The following SLC26A5 variants were observed in gnomAD, a reference collection of about 807,000 sequenced individuals.
SLC26A5 encodes the protein solute carrier family 26 member 5.
A neutral mutation model predicts 81.0 loss-of-function variants in SLC26A5; 51 were observed. The ratio of observed to expected loss-of-function variants is 0.63; its 90% confidence interval spans 0.50 to 0.80. The LOEUF (loss-of-function observed/expected upper bound fraction) is 0.80. Among genes scored for constraint, SLC26A5 ranks in the 30% least tolerant of loss-of-function variants. The pLI, the probability that SLC26A5 is intolerant of heterozygous loss-of-function variation, is 0.00. For synonymous variants in SLC26A5, 325 were observed against 332.8 expected (o/e 0.98, Z 0.25); for missense variants, 771 against 905.8 (o/e 0.85, Z 1.91).
intron 2 of SLC26A5, among the ~76,000 whole-genome samples, chr7:103,430,534 G>A (rs1825999867): frequency 7.2e-6 from 1 of 139,504 alleles, no homozygotes. Flanking sequence ...TGGGACATCT[G>A]GTGAGTTACT....
intron 19 of SLC26A5, among the ~76,000 whole-genome samples, chr7:103,365,892 C>T (rs1820693463): frequency 1.3e-5 from 2 of 152,118 alleles, no homozygotes; most frequent in African/African-American, 4.8e-5. Flanking sequence ...CGCACCACTG[C>T]ACTCCAGCCT....
chr7:103,414,591 G>A lies in SLC26A5; in HGVS notation c.293-1479C>T, dbSNP rs145629483. ...TAAGGTTCCTTCATGTCTTTTCATG[G>A]CTTGATAGCTCATTCCTTTTTAATA... On this transcript the variant is annotated intron_variant, in intron 4 of 19. Coordinates refer to ENST00000306312, the MANE Select transcript of SLC26A5 (RefSeq NM_198999.3). Among the ~76,000 whole-genome samples, 808 of 152,166 alleles carry A rather than the reference G, an allele frequency of 5.3e-3. 25 individuals are homozygous for A. The highest frequency in any genetic ancestry group is 0.048 in the Admixed American group (738 of 15,280).
rs117297172 is a variant in SLC26A5 at position 103,360,738 on chromosome 7, C to T, written c.2042-7812G>A. The stretch of plus-strand genomic sequence containing the variant: ...ACTATAGAAGGGGAAAGGCGGTTGA[C>T]TATTTTATACTGTGATGTGCATGGC... On this transcript the variant is annotated intron_variant, in intron 19 of 19. Transcript: ENST00000339444. 8.9e-3 allele frequency among the ~76,000 whole-genome samples: 1,352 copies of T among 152,278 alleles called. 20 individuals carry two copies. Among genetic ancestry groups the T allele is most frequent in the Middle Eastern group, 0.024 (7 of 294 alleles).
At chr7:103,437,358 T>C (rs1258586492) in intron 2 of SLC26A5, among the ~76,000 whole-genome samples, 1 of 152,198 alleles carries the variant, frequency 6.6e-6, no homozygotes, top group Non-Finnish European at 1.5e-5. Flanking sequence ...ACAACCATTA[T>C]GGAAAATGCT....
chr7:103,395,093 G>T (rs550993757), intron 9 of SLC26A5, among the ~76,000 whole-genome samples: 1 of 152,274 alleles, frequency 6.6e-6, no homozygotes, highest in African/African-American at 2.4e-5. Context: ...AACCCCAAGT[G>T]AGACCTGCCA....
intron 4 of SLC26A5, among the ~76,000 whole-genome samples, chr7:103,417,113 T>C (rs756142686): frequency 1.1e-4 from 16 of 152,154 alleles, no homozygotes; most frequent in Non-Finnish European, 1.9e-4. Context: ...GGCTCACCCC[T>C]GTAATCCCAG....
intron 4 of SLC26A5, among the ~76,000 whole-genome samples, chr7:103,414,676 T>C (rs995053396): frequency 6.6e-6 from 1 of 152,244 alleles, no homozygotes; most frequent in African/African-American, 2.4e-5. Flanking sequence ...GAAGGCCATC[T>C]TGATTGCTTC....
intron 19 of SLC26A5, chr7:103,362,794 CTTT>C (rs368268286): frequency 0.014 from 11,625 of 818,636 alleles, no homozygotes; most frequent in East Asian, 0.018. Context: ...AAGGCTATGT[CTTT>C]TTTTTTTTTT....
At chr7:103,439,299 G>A (rs115922399) in intron 2 of SLC26A5, among the ~76,000 whole-genome samples, 3,619 of 152,162 alleles carry the variant, frequency 0.024, 142 homozygotes, top group African/African-American at 0.082. Flanking sequence ...TATCCAGGAG[G>A]TATAACAAGG....
At chr7:103,424,547 G>C (rs775931200) in intron 2 of SLC26A5, among the ~76,000 whole-genome samples, 4 of 152,052 alleles carry the variant, frequency 2.6e-5, no homozygotes, top group Non-Finnish European at 5.9e-5. Context: ...ATTTTTTGTA[G>C]ACATCATCTT....
chr7:103,388,866 A>G (rs1822415788), intron 14 of SLC26A5, 142 bp downstream of exon 14: 2 of 689,594 alleles, frequency 2.9e-6, no homozygotes, highest in South Asian at 3.0e-5. Flanking sequence ...AACAGGCTAC[A>G]TGAGTGTTAT....
chr7:103,364,673 G>A (rs973654885), intron 19 of SLC26A5, among the ~76,000 whole-genome samples: 8 of 152,120 alleles, frequency 5.3e-5, no homozygotes, highest in African/African-American at 1.7e-4. Context: ...CTCCCAGAGT[G>A]CTGGTAGTAT....
At chr7:103,401,099 AAGTC>A (rs1823552263) in intron 8 of SLC26A5, among the ~76,000 whole-genome samples, 1 of 152,228 alleles carries the variant, frequency 6.6e-6, no homozygotes, top group Non-Finnish European at 1.5e-5. Context: ...TCTGTGAAGA[AAGTC>A]AGTGGTAGCT....
Position 103,377,745 on chromosome 7 carries a change from C to T in SLC26A5, c.1840G>A (p.Val614Ile). The T allele has an allele frequency of 6.2e-7, 1 of 1,614,114 alleles. No homozygotes were observed. Among genetic ancestry groups the T allele is most frequent in the Non-Finnish European group, 8.5e-7 (1 of 1,180,008 alleles). The change falls in exon 18 of 20, where the codon GTA becomes ATA. Residue 614 changes from valine to isoleucine, a missense_variant. Val to Ile is a conservative substitution (Grantham distance 29). Coordinates refer to ENST00000306312, the MANE Select transcript of SLC26A5 (RefSeq NM_198999.3). ...ATKPEEEDGEVKYPPIVIKST... is the reference protein window; with the variant it reads ...ATKPEEEDGEIKYPPIVIKST... ...TTGATCACTATTGGGGGATATTTTA[C>T]TTCACCATCCTCTTCTTCAGGCTTG...
chr7:103,389,469 G>C, intron 12 of SLC26A5, 45 bp from the exon 13 acceptor site: 1 of 1,424,764 alleles, frequency 7.0e-7, no homozygotes, highest in Non-Finnish European at 9.9e-7. Context: ...TGTGTCCACA[G>C]AGTGTCCTTT....
intron 19 of SLC26A5, among the ~76,000 whole-genome samples, chr7:103,374,898 G>A (rs1043588712): frequency 4.0e-5 from 6 of 150,390 alleles, no homozygotes; most frequent in Non-Finnish European, 8.9e-5. Context: ...CTACTTTCTT[G>A]TGTGTTCTTC....
chr7:103,398,105 T>C (rs914975483), intron 8 of SLC26A5, 91 bp from the exon 9 acceptor site: 3 of 971,224 alleles, frequency 3.1e-6, no homozygotes, highest in Non-Finnish European at 5.0e-6. Context: ...TCAAGTCAAA[T>C]CTATTCTCAC....
At chr7:103,377,850 T>C (rs757471823) in intron 17 of SLC26A5, 51 bp from the exon 18 acceptor site, 2 of 1,547,096 alleles carry the variant, frequency 1.3e-6, no homozygotes, top group Middle Eastern at 1.9e-4. Context: ...CTCACATTTC[T>C]GGTTGTGAGA....
Position 103,377,735 on chromosome 7 carries a change from G to A in SLC26A5, c.1850C>T (p.Pro617Leu). 1 of 1,614,006 alleles carries A rather than the reference G, an allele frequency of 6.2e-7. No homozygotes were observed. Among genetic ancestry groups the A allele is most frequent in the Non-Finnish European group, 8.5e-7 (1 of 1,179,994 alleles). The change falls in exon 18 of 20, where the codon CCC (proline) becomes CTC (leucine). Residue 617 changes from proline to leucine, a missense_variant. By Grantham distance (98) the Pro-to-Leu change is moderately conservative. Transcript: ENST00000306312. ...PEEEDGEVKY[P>L]PIVIKSTFPE... is the part of the protein sequence containing the mutation. ...AAATGTGCTTTTGATCACTATTGGG[G>A]GATATTTTACTTCACCATCCTCTTC...
Sources: allele counts gnomAD v4.1 joint callset (sites outside exome capture counted in the v4.1 genomes callset), GRCh38; gene constraint gnomAD v4.1.1; transcripts MANE v1.5; gene names NCBI Gene and HGNC (gene_info 2026-07-23, HGNC 2026-07-21).